SEC14L1: variants seen among roughly 807,000 people sequenced by gnomAD.
SEC14L1 encodes the protein SEC14-like protein 1.
In SEC14L1, 48 loss-of-function variants were observed where a neutral mutation model predicts 85.3. The ratio of observed to expected loss-of-function variants is 0.56; its 90% CI spans 0.45 to 0.72. SEC14L1 has a LOEUF of 0.72. Among genes scored for constraint, SEC14L1 ranks in the 30% least tolerant of loss-of-function variants. SEC14L1 has a pLI of 0.00. For synonymous variants in SEC14L1, 391 were observed against 355.5 expected (o/e 1.10, Z -1.12); for missense variants, 682 against 921.4 (o/e 0.74, Z 3.36).
intron 3 of SEC14L1, among the ~76,000 whole-genome samples, chr17:77,188,643 G>C (rs892230402): frequency 2.6e-5 from 4 of 152,228 alleles, no homozygotes; most frequent in African/African-American, 9.6e-5. Flanking sequence ...AGCTCTCATT[G>C]CTCTGGGATA....
intron 3 of SEC14L1, among the ~76,000 whole-genome samples, chr17:77,172,556 G>A (rs986473800): frequency 1.5e-4 from 23 of 151,926 alleles, no homozygotes; most frequent in African/African-American, 5.1e-4. Flanking sequence ...TCGTCTTTTC[G>A]TACATATACC....
intron 8 of SEC14L1, among the ~76,000 whole-genome samples, chr17:77,198,520 C>A (rs1040731663): frequency 6.6e-6 from 1 of 152,092 alleles, no homozygotes; most frequent in Admixed American, 6.5e-5. Flanking sequence ...ATCAGGATTG[C>A]CCAACCAAAC....
rs1336465217 is a variant in SEC14L1 at position 77,216,359 on chromosome 17, T to G, written c.*2336T>G. 1.4e-6 allele frequency: 2 copies of G among 1,391,202 alleles called. No homozygotes were observed. Among genetic ancestry groups the G allele is most frequent in the Non-Finnish European group, 9.3e-7 (1 of 1,071,598 alleles). The allele number at this position is 1,391,202 out of a possible 1,614,324, so 86.2% of individuals were successfully genotyped here. On this transcript the variant is annotated 3_prime_UTR_variant, in exon 17 of 17. Transcript: ENST00000436233. ...AGGTAGGGTTAGTAGGTAGGGCTAG[T>G]AGGTAGGGCTAGTAGGTAGGGCTAG...
chr17:77,163,848 A>C (rs1482687847), intron 3 of SEC14L1, among the ~76,000 whole-genome samples: 1 of 152,172 alleles, frequency 6.6e-6, no homozygotes, highest in Non-Finnish European at 1.5e-5. Context: ...CTTTTCCCAA[A>C]TGAAACTGTT....
Position 77,168,729 on chromosome 17 carries a change from G to A in SEC14L1, c.64-22074G>A, listed in dbSNP as rs561397119. ...CCTTTTTTTGCTAACATTATGTTAA[G>A]GGCTCTTCTATTTTCCCAGGGCATT... is the stretch of plus-strand genomic sequence containing the variant. On this transcript the variant is annotated intron_variant, in intron 3 of 16. Coordinates refer to ENST00000436233, the MANE Select transcript of SEC14L1 (RefSeq NM_001143998.2). Among the ~76,000 whole-genome samples the A allele has an allele frequency of 1.2e-4, 18 of 152,250 alleles. No individual in the cohort carries two copies. The East Asian group carries it at 2.1e-3, about 18-fold the overall frequency.
chr17:77,174,304 C>T (rs1974650821), intron 3 of SEC14L1, among the ~76,000 whole-genome samples: 1 of 152,142 alleles, frequency 6.6e-6, no homozygotes, highest in Non-Finnish European at 1.5e-5. Context: ...TCTCTGGCTG[C>T]TTCCTTTGTG....
intron 3 of SEC14L1, among the ~76,000 whole-genome samples, chr17:77,164,885 A>G (rs1230195811): frequency 5.9e-5 from 9 of 152,204 alleles, no homozygotes; most frequent in African/African-American, 2.2e-4. Flanking sequence ...TGTGGGAACA[A>G]CAGTCTCATG....
chr17:77,200,337 T>G lies in SEC14L1; in HGVS notation c.820-147T>G, dbSNP rs1482381391. The G allele has an allele frequency of 4.2e-5, 25 of 591,972 alleles. No individual in the cohort carries two copies. The East Asian group carries it at 6.9e-4, about 16-fold the overall frequency. 36.7% of individuals were successfully genotyped at this position (591,972 alleles called of 1,614,324 possible). A position where few individuals can be genotyped will look rare whatever the true frequency, so the allele number is the denominator to read the frequency against. ...GCATGCACCACCATGCCTGGCTGATTTTTGTATTTTTAGTAGAGATGGCAT... is the reference window on the plus strand; with the variant it reads ...GCATGCACCACCATGCCTGGCTGATGTTTGTATTTTTAGTAGAGATGGCAT... On this transcript the variant is annotated intron_variant, in intron 8 of 16. Coordinates refer to ENST00000436233, the MANE Select transcript of SEC14L1 (RefSeq NM_001143998.2).
Position 77,194,795 on chromosome 17 carries a change from A to G in SEC14L1, c.593A>G (p.Lys198Arg). ...TSSETSSSSS[K>R]KQAASMAVVI... is the part of the protein sequence containing the mutation. ...TCAGAGACATCTTCATCATCCTCCA[A>G]GAAACAAGCAGCGTCCATGGCCGTC... Residue 198 changes from lysine to arginine, a missense_variant, in exon 7 of 17, where the codon AAG (lysine) becomes AGG (arginine). Physicochemically the swap from Lys to Arg is conservative, Grantham distance 26. Transcript: ENST00000436233. 6.2e-7 allele frequency: 1 copy of G among 1,614,218 alleles called. No individual in the cohort carries two copies. Among genetic ancestry groups the G allele is most frequent in the Non-Finnish European group, 8.5e-7 (1 of 1,180,022 alleles).
At chr17:77,147,324 C>T (rs768309937) in intron 3 of SEC14L1, among the ~76,000 whole-genome samples, 4 of 151,932 alleles carry the variant, frequency 2.6e-5, no homozygotes, top group Non-Finnish European at 4.4e-5. Context: ...TTAATTGCAT[C>T]TCACTTGATT....
At chr17:77,141,551 C>T (rs1285365521) in intron 1 of SEC14L1, 1 of 152,164 alleles carries the variant, frequency 6.6e-6, no homozygotes, top group Non-Finnish European at 1.5e-5. Flanking sequence ...TGGGTCTGGC[C>T]TTTGGCTCCT....
chr17:77,183,974 CAT>C (rs1975156856), intron 3 of SEC14L1, among the ~76,000 whole-genome samples: 1 of 152,154 alleles, frequency 6.6e-6, no homozygotes, highest in Admixed American at 6.5e-5. Flanking sequence ...TTAGTAGAAA[CAT>C]AGTTTCACCA....
upstream of SEC14L1, among the ~76,000 whole-genome samples, chr17:77,136,658 A>G (rs1972808746): frequency 1.3e-5 from 2 of 152,194 alleles, no homozygotes; most frequent in African/African-American, 2.4e-5. Context: ...ATGTGTGTGC[A>G]CGTGTTTGTA....
chr17:77,125,395 A>G (rs940863948), intron 3 of SEC14L1, among the ~76,000 whole-genome samples: 3 of 152,082 alleles, frequency 2.0e-5, no homozygotes, highest in Admixed American at 6.5e-5. Context: ...CAGCATTCTA[A>G]AATTTTAGCT....
At chr17:77,167,281 C>G (rs531765115) in intron 3 of SEC14L1, among the ~76,000 whole-genome samples, 3 of 151,702 alleles carry the variant, frequency 2.0e-5, no homozygotes, top group Admixed American at 6.6e-5. Context: ...ATTACAAGCA[C>G]GCAGTACTAC....
intron 3 of SEC14L1, among the ~76,000 whole-genome samples, chr17:77,173,462 G>A (rs1159580842): frequency 6.6e-6 from 1 of 152,048 alleles, no homozygotes; most frequent in Non-Finnish European, 1.5e-5. Flanking sequence ...GGGTTGCTTA[G>A]GGGTGGGGGC....
chr17:77,117,746 C>G (rs1972208852), intron 3 of SEC14L1, among the ~76,000 whole-genome samples: 1 of 151,924 alleles, frequency 6.6e-6, no homozygotes, highest in African/African-American at 2.4e-5. Context: ...CGTTTGGGGA[C>G]CTTTTGGTCT....
intron 8 of SEC14L1, among the ~76,000 whole-genome samples, chr17:77,199,923 CT>C (rs1186992256): frequency 6.6e-6 from 1 of 152,194 alleles, no homozygotes; most frequent in Non-Finnish European, 1.5e-5. Flanking sequence ...AATCCCAACA[CT>C]TTGGGAGGCC....
chr17:77,204,870 C>T (rs928499845), intron 10 of SEC14L1, among the ~76,000 whole-genome samples: 2 of 152,174 alleles, frequency 1.3e-5, no homozygotes, highest in African/African-American at 4.8e-5. Flanking sequence ...ATCGCTTGAG[C>T]CATGCCTTAC....
Sources: allele counts gnomAD v4.1 joint callset (sites outside exome capture counted in the v4.1 genomes callset), GRCh38; gene constraint gnomAD v4.1.1; transcripts MANE v1.5; gene names NCBI Gene and HGNC (gene_info 2026-07-23, HGNC 2026-07-21).